The following NELL1 variants were observed in gnomAD, a reference collection of about 807,000 sequenced individuals.
NELL1 encodes the protein protein kinase C-binding protein NELL1.
Under a neutral mutation model 107.4 loss-of-function variants are expected in NELL1, and 76 were observed. That is an observed-to-expected ratio of 0.71 (90% CI 0.59 to 0.86). NELL1 has a LOEUF of 0.86. Among genes scored for constraint, NELL1 ranks in the 40% least tolerant of loss-of-function variants. The probability of loss-of-function intolerance (pLI) is 0.00; values close to 1 mark genes in which losing one functional copy is unlikely to be tolerated. For synonymous variants in NELL1, 353 were observed against 341.2 expected, an observed-to-expected ratio of 1.03 and a Z score of -0.38; for missense variants, 1,024 against 1,005.5, an observed-to-expected ratio of 1.02 and a Z score of -0.25.
chr11:21,000,764 G>A (rs1852199834), intron 12 of NELL1: 1 of 152,200 alleles, frequency 6.6e-6, no homozygotes, highest in African/African-American at 2.4e-5. Flanking sequence ...TGTTAAAATA[G>A]TACTCTTTCT....
At chr11:20,702,052 C>T (rs1262937686) in intron 2 of NELL1, among the ~76,000 whole-genome samples, 1 of 152,088 alleles carries the variant, frequency 6.6e-6, no homozygotes, top group Non-Finnish European at 1.5e-5. Context: ...TGAAGAAAGT[C>T]ATTGGTAGCT....
At chr11:21,073,707 A>G (rs1260707188) in intron 12 of NELL1, among the ~76,000 whole-genome samples, 1 of 152,182 alleles carries the variant, frequency 6.6e-6, no homozygotes, top group Non-Finnish European at 1.5e-5. Context: ...AGCATTTGCA[A>G]TGAGATTTGA....
At chr11:21,564,527 C>A (rs1182796060) in intron 17 of NELL1, among the ~76,000 whole-genome samples, 1 of 151,840 alleles carries the variant, frequency 6.6e-6, no homozygotes, top group African/African-American at 2.4e-5. Flanking sequence ...TACACTTATA[C>A]CTATACTATT....
intron 14 of NELL1, among the ~76,000 whole-genome samples, chr11:21,230,503 G>C (rs1026104437): frequency 1.3e-5 from 2 of 152,102 alleles, no homozygotes; most frequent in Non-Finnish European, 2.9e-5. Context: ...GAAAAAATAG[G>C]CAACATGAAC....
In NELL1 at chr11:20,673,842, A is replaced by ATTT. The variant is rs57671375; in HGVS notation, c.55+4074_55+4076dup. Among the ~76,000 whole-genome samples, 255 of 149,118 alleles carry ATTT rather than the reference A, an allele frequency of 1.7e-3. 2 individuals carry two copies. The highest frequency in any genetic ancestry group is 3.6e-3 in the South Asian group (17 of 4,736). ...CTTGGACAAGAAGCAGAAACAATAC[A>ATTT]TTTTTTTTTTTTATGAGACCACACT... On this transcript the variant is annotated intron_variant, in intron 1 of 19. Transcript: ENST00000357134.
chr11:20,884,338 AGGGAGGAG>A (rs1849464839), intron 4 of NELL1, among the ~76,000 whole-genome samples: 1 of 152,190 alleles, frequency 6.6e-6, no homozygotes, highest in African/African-American at 2.4e-5. Context: ...CCATCACAGC[AGGGAGGAG>A]TGATGAGCTG....
chr11:20,755,540 G>A (rs7104973), intron 2 of NELL1, among the ~76,000 whole-genome samples: 13 of 19,144 alleles, frequency 6.8e-4, no homozygotes, highest in Admixed American at 3.2e-3. Context: ...GTGGGTTTTT[G>A]TTTTTTTTTG....
intron 12 of NELL1, among the ~76,000 whole-genome samples, chr11:21,009,423 A>G (rs1385105176): frequency 6.6e-6 from 1 of 152,124 alleles, no homozygotes; most frequent in Non-Finnish European, 1.5e-5. Flanking sequence ...TGATGAGGAG[A>G]GTAATAAAAC....
At chr11:21,303,792 A>G (rs936008) in intron 14 of NELL1, among the ~76,000 whole-genome samples, 53,385 of 151,920 alleles carry the variant, frequency 0.35, 11,128 homozygotes, top group Non-Finnish European at 0.48. Context: ...ACTATAAGAA[A>G]ACAGAAACAT....
intron 3 of NELL1, among the ~76,000 whole-genome samples, chr11:20,815,187 C>A (rs1442923100): frequency 6.6e-6 from 1 of 152,168 alleles, no homozygotes; most frequent in African/African-American, 2.4e-5. Flanking sequence ...GCCTCAGCCT[C>A]CCAAGTAGCT....
At chr11:20,688,760 A>G (rs1440140236) in intron 2 of NELL1, among the ~76,000 whole-genome samples, 1 of 152,174 alleles carries the variant, frequency 6.6e-6, no homozygotes, top group South Asian at 2.1e-4. Context: ...TTATATACCC[A>G]GTGATGGGAT....
intron 4 of NELL1, among the ~76,000 whole-genome samples, chr11:20,867,494 C>T (rs1174906330): frequency 6.6e-6 from 1 of 152,126 alleles, no homozygotes; most frequent in African/African-American, 2.4e-5. Flanking sequence ...GATGAGAAGA[C>T]TTGCGTTCCA....
chr11:21,020,971 T>TGGTAAG (rs1485639653), intron 12 of NELL1, among the ~76,000 whole-genome samples: 4 of 150,128 alleles, frequency 2.7e-5, no homozygotes. Context: ...AAATCCTTCC[T>TGGTAAG]GGTAAGGAGG....
intron 2 of NELL1, among the ~76,000 whole-genome samples, chr11:20,695,031 G>C (rs1280412975): frequency 1.3e-5 from 2 of 151,912 alleles, no homozygotes; most frequent in South Asian, 4.1e-4. Flanking sequence ...TGTGTTTCTA[G>C]GTATTTTATT....
At chr11:21,128,168 A>C (rs1323739953) in intron 13 of NELL1, among the ~76,000 whole-genome samples, 2 of 152,302 alleles carry the variant, frequency 1.3e-5, no homozygotes, top group East Asian at 3.9e-4. Flanking sequence ...CTGTAATCTT[A>C]ATAAATATCG....
At chr11:20,678,243 T>C (rs1854110367) in intron 2 of NELL1, among the ~76,000 whole-genome samples, 183 bp downstream of exon 2, 3 of 152,144 alleles carry the variant, frequency 2.0e-5, no homozygotes, top group Non-Finnish European at 2.9e-5. Context: ...TTAGAGATCA[T>C]GGTGGTAAAA....
At chr11:21,241,097 C>T (rs1858346117) in intron 14 of NELL1, among the ~76,000 whole-genome samples, 1 of 152,094 alleles carries the variant, frequency 6.6e-6, no homozygotes, top group South Asian at 2.1e-4. Context: ...TTAAAACAGG[C>T]TACCAAACAT....
chr11:20,713,842 C>G (rs1855171478), intron 2 of NELL1, among the ~76,000 whole-genome samples: 1 of 152,144 alleles, frequency 6.6e-6, no homozygotes, highest in African/African-American at 2.4e-5. Flanking sequence ...CTAGAAGGCT[C>G]TTCCTGCTGC....
intron 12 of NELL1, among the ~76,000 whole-genome samples, chr11:20,977,600 C>CCTA (rs1449520610): frequency 6.6e-6 from 1 of 152,146 alleles, no homozygotes; most frequent in East Asian, 1.9e-4. Context: ...GGACTTTTTT[C>CCTA]ATGCTGTCCT....
Sources: gnomAD v4.1 joint callset for allele counts (sites outside exome capture counted in the v4.1 genomes callset) on GRCh38, gnomAD v4.1.1 for gene constraint, MANE v1.5 for transcripts, NCBI Gene and HGNC (gene_info 2026-07-23, HGNC 2026-07-21) for gene names.